The following HERC2 variants were observed in gnomAD, a reference collection of about 807,000 sequenced individuals.
HERC2 encodes E3 ubiquitin-protein ligase HERC2.
In HERC2, 102 loss-of-function variants were observed where a neutral mutation model predicts 537.7. The observed-to-expected ratio is 0.19, with a 90% CI of 0.16 to 0.22. The LOEUF is 0.22. Ranked by LOEUF, HERC2 falls within the 10% of genes least tolerant of loss-of-function variation. HERC2 has a pLI of 1.00. For missense variants in HERC2, 4,236 were observed against 6,198.2 expected (o/e 0.68, Z 10.63); for synonymous variants, 2,224 against 2,466.2 (o/e 0.90, Z 2.91).
chr15:28,274,140 C>T, intron 7 of HERC2, 151 bp downstream of exon 7: 2 of 695,022 alleles, frequency 2.9e-6, no homozygotes, highest in South Asian at 2.0e-5. Flanking sequence ...AAGCTGAGAA[C>T]CCAGACCCGG....
chr15:28,233,586 G>A (rs1251119772), intron 28 of HERC2, 25 bp from the exon 29 acceptor site: 1 of 1,613,696 alleles, frequency 6.2e-7, no homozygotes, highest in Admixed American at 1.7e-5. Context: ...TTAAAAGAAG[G>A]GCAGGGATGA....
chr15:28,263,199 A>G, intron 14 of HERC2, 30 bp from the exon 15 acceptor site: 1 of 1,589,028 alleles, frequency 6.3e-7, no homozygotes, highest in Non-Finnish European at 8.6e-7. Context: ...TTAAATAACA[A>G]CAACTCTGCA....
chr15:28,251,547 T>C (rs2075082878), intron 20 of HERC2, among the ~76,000 whole-genome samples: 2 of 151,482 alleles, frequency 1.3e-5, no homozygotes, highest in South Asian at 4.2e-4. Context: ...ACGCCTGCAA[T>C]CCCAGCACTT....
intron 85 of HERC2, among the ~76,000 whole-genome samples, 155 bp from the exon 86 acceptor site, chr15:28,121,584 G>A (rs914298577): frequency 8.5e-5 from 13 of 152,178 alleles, no homozygotes; most frequent in African/African-American, 2.9e-4. Context: ...AGGGTGCAGG[G>A]GAACAGGCTG....
intron 44 of HERC2, among the ~76,000 whole-genome samples, chr15:28,208,259 T>C: frequency 6.6e-6 from 1 of 152,184 alleles, no homozygotes; most frequent in East Asian, 1.9e-4. Flanking sequence ...ACTTGCATAT[T>C]TTTTTCAAAC....
intron 44 of HERC2, among the ~76,000 whole-genome samples, chr15:28,210,457 T>C (rs1899066270): frequency 1.3e-5 from 2 of 152,222 alleles, no homozygotes. Flanking sequence ...TATCTTTACA[T>C]GCCTTTTCGT....
chr15:28,312,221 G>C (rs1360738283), intron 2 of HERC2, among the ~76,000 whole-genome samples: 9 of 151,888 alleles, frequency 5.9e-5, no homozygotes, highest in Admixed American at 2.0e-4. Context: ...GAGTTAGACT[G>C]TGAACAAGCA....
At chr15:28,272,414 T>A (rs2075759290) in intron 8 of HERC2, 28 bp from the exon 9 acceptor site, 1 of 1,579,850 alleles carries the variant, frequency 6.3e-7, no homozygotes, top group African/African-American at 1.4e-5. Flanking sequence ...TTTATTCTAG[T>A]AAAAACAGAT....
In HERC2 at chr15:28,202,327, A is replaced by C. The variant is rs758859631; in HGVS notation, c.7480+20T>G. 31 of 1,613,480 alleles carry C rather than the reference A, an allele frequency of 1.9e-5. No individual in the cohort carries two copies. Among genetic ancestry groups the C allele is most frequent in the Non-Finnish European group, 2.6e-5 (31 of 1,179,578 alleles). On this transcript the variant is annotated intron_variant, in intron 46 of 92. Coordinates refer to ENST00000261609, the MANE Select transcript of HERC2 (RefSeq NM_004667.6). ...CGGGAACCCACACATACACAAGCAG[A>C]GGCCAGGAAAACGAAGTACCAGGCA...
chr15:28,252,168 T>C (rs939646067), intron 20 of HERC2, among the ~76,000 whole-genome samples: 5 of 152,160 alleles, frequency 3.3e-5, no homozygotes, highest in Admixed American at 6.5e-5. Flanking sequence ...TCAGCTATGA[T>C]GGATACACTT....
chr15:28,265,529 G>A lies in HERC2; in HGVS notation c.1870+89C>T. The A allele has an allele frequency of 9.2e-7, 1 of 1,092,724 alleles. No homozygotes were observed. Among genetic ancestry groups the A allele is most frequent in the Non-Finnish European group, 1.4e-6 (1 of 724,460 alleles). 67.7% of individuals were successfully genotyped at this position (1,092,724 alleles called of 1,614,324 possible). A position where few individuals can be genotyped will look rare whatever the true frequency, so the allele number is the denominator to read the frequency against. ...TGGGCGACAGGGTGGGTGGCCTCGTGAGGCCCACTGTACTCATCTCACTTC... is the reference window on the plus strand; with the variant it reads ...TGGGCGACAGGGTGGGTGGCCTCGTAAGGCCCACTGTACTCATCTCACTTC... On this transcript the variant is annotated intron_variant, in intron 14 of 92. Transcript: ENST00000261609. The surrounding 1 kb of genome is among the most constrained non-coding windows in gnomAD (Gnocchi z 4.0).
chr15:28,274,951 C>T lies in HERC2; in HGVS notation c.597G>A (p.Ala199=), dbSNP rs753173937. Residue 199 remains alanine (A), a synonymous_variant, in exon 6 of 93, where the codon GCG becomes GCA. Transcript: ENST00000261609. ...VEGLARVGSR[A]ALSFAFAFLR... ...GGAAGGCAAAGGCAAAAGACAGCGC[C>T]GCTCGGGATCCCACTCTGGCGAGCC... 8.7e-6 allele frequency: 14 copies of T among 1,610,480 alleles called. No individual in the cohort carries two copies. The highest frequency in any genetic ancestry group is 1.7e-4 in the Middle Eastern group (1 of 6,060).
At chr15:28,169,730 A>G (rs1894503353) in intron 65 of HERC2, 75 bp from the exon 66 acceptor site, 1 of 1,447,474 alleles carries the variant, frequency 6.9e-7, no homozygotes, top group Non-Finnish European at 9.4e-7. Context: ...CTGACCTTAC[A>G]GGTTAGTTCC....
intron 6 of HERC2, 39 bp from the exon 7 acceptor site, chr15:28,274,486 C>T: frequency 6.4e-7 from 1 of 1,557,466 alleles, no homozygotes. Flanking sequence ...CCCCCACTCC[C>T]CTCACTCTCC....
rs543777261 is a variant in HERC2 at position 28,196,444 on chromosome 15, C to T, written c.8120+17G>A. The T allele has an allele frequency of 7.4e-5, 119 of 1,602,424 alleles. No homozygotes were observed. Among genetic ancestry groups the T allele is most frequent in the Middle Eastern group, 3.3e-4 (2 of 6,010 alleles). On this transcript the variant is annotated intron_variant, in intron 51 of 92. Coordinates refer to ENST00000261609, the MANE Select transcript of HERC2 (RefSeq NM_004667.6). Reference sequence around the variant, plus strand: ...ATTCGTCCCAAAGCAAATCTAGCAACCATAAAAATAACTCACGTAACCCCA... The same window carrying T: ...ATTCGTCCCAAAGCAAATCTAGCAATCATAAAAATAACTCACGTAACCCCA...
At chr15:28,253,270 A>G (rs761922981) in intron 20 of HERC2, among the ~76,000 whole-genome samples, 1 of 152,212 alleles carries the variant, frequency 6.6e-6, no homozygotes, top group Non-Finnish European at 1.5e-5. Context: ...GGCCTTCCAA[A>G]ATAATGCTCA....
chr15:28,311,882 A>C (rs544645536), intron 2 of HERC2, among the ~76,000 whole-genome samples: 20 of 152,126 alleles, frequency 1.3e-4, no homozygotes, highest in Non-Finnish European at 2.2e-4. Flanking sequence ...TTTTTAAAAA[A>C]AAAAGCCAAA....
chr15:28,135,770 C>A, intron 78 of HERC2, 78 bp from the exon 79 acceptor site: 1 of 1,055,870 alleles, frequency 9.5e-7, no homozygotes, highest in South Asian at 1.4e-5. Flanking sequence ...TAAACCTAAT[C>A]CATGCTTTAG....
chr15:28,202,081 C>T, intron 47 of HERC2, 32 bp downstream of exon 47: 3 of 1,213,656 alleles, frequency 2.5e-6, no homozygotes, highest in Non-Finnish European at 3.6e-6. Flanking sequence ...GACAGCGGCC[C>T]AGGTGCGGGC....
Sources: gnomAD v4.1 joint callset for allele counts (sites outside exome capture counted in the v4.1 genomes callset) on GRCh38, gnomAD v4.1.1 for gene constraint, Gnocchi (gnomAD v3.1) non-coding constraint, MANE v1.5 for transcripts, NCBI Gene and HGNC (gene_info 2026-07-23, HGNC 2026-07-21) for gene names.